IL1RN: variants seen among roughly 807,000 people sequenced by gnomAD.
The protein encoded by IL1RN is interleukin-1 receptor antagonist protein.
IL1RN carries 10 observed loss-of-function variants against 13.7 expected under a neutral mutation model. The ratio of observed to expected loss-of-function variants is 0.73; its 90% CI spans 0.45 to 1.24. IL1RN has a LOEUF of 1.24. Ranked by LOEUF, IL1RN falls within the 50% of genes most tolerant of loss-of-function variation. The probability of loss-of-function intolerance (pLI) is 0.00; values close to 1 mark genes in which losing one functional copy is unlikely to be tolerated. For missense variants in IL1RN, 213 were observed against 222.1 expected (o/e 0.96, Z 0.26); for synonymous variants, 102 against 82.7 (o/e 1.23, Z -1.27).
upstream of IL1RN, among the ~76,000 whole-genome samples, chr2:113,109,273 G>A (rs1274114297): frequency 6.6e-6 from 1 of 152,086 alleles, no homozygotes; most frequent in South Asian, 2.1e-4. Context: ...TTAGCTGGGT[G>A]TGGGGGTGCA....
At position 113,127,701 on chromosome 2, in the gene IL1RN, G is replaced by C. The variant is rs758363942; in HGVS notation, c.77G>C (p.Arg26Pro). 5.6e-6 allele frequency: 9 copies of C among 1,613,930 alleles called. No individual in the cohort carries two copies. The African/African-American group carries it at 1.1e-4, about 19-fold the overall frequency. Residue 26 changes from arginine to proline, a missense_variant, in exon 1 of 4, where the codon CGA becomes CCA. Arg to Pro is a moderately radical substitution (Grantham distance 103). Coordinates refer to ENST00000409930, the MANE Select transcript of IL1RN (RefSeq NM_173842.3). The part of the protein sequence containing the change: ...LFLFHSETIC[R>P]PSGRKSSKMQ... ...CTGTTCCATTCAGAGACGATCTGCCGACCCTCTGGGAGAAAATCCAGCAAG... is the reference window on the plus strand; with the variant it reads ...CTGTTCCATTCAGAGACGATCTGCCCACCCTCTGGGAGAAAATCCAGCAAG...
chr2:113,117,774 T>C (rs1686628904), upstream of IL1RN: 1 of 597,516 alleles, frequency 1.7e-6, no homozygotes, highest in East Asian at 2.8e-5. Context: ...AAACTGGGCC[T>C]GCTTGGCATC....
At chr2:113,129,175 A>T (rs930351444) in intron 1 of IL1RN, among the ~76,000 whole-genome samples, 1 of 152,222 alleles carries the variant, frequency 6.6e-6, no homozygotes, top group Non-Finnish European at 1.5e-5. Flanking sequence ...CACTATCCAC[A>T]TTTAAAGAGG....
At chr2:113,106,194 T>C (rs2029582), upstream of IL1RN, among the ~76,000 whole-genome samples, 84,114 of 152,040 alleles carry the variant, frequency 0.55, 24,599 homozygotes, top group African/African-American at 0.76. Flanking sequence ...TTCCAATTTG[T>C]ATGACTCCAA....
At chr2:113,106,543 CAAAGAGCT>C (rs1686390686), upstream of IL1RN, among the ~76,000 whole-genome samples, 1 of 152,168 alleles carries the variant, frequency 6.6e-6, no homozygotes, top group Admixed American at 6.5e-5. Context: ...CCTGTCCTAG[CAAAGAGCT>C]AATTGTTAAA....
intron 3 of IL1RN, among the ~76,000 whole-genome samples, chr2:113,131,523 C>T (rs3087266): frequency 0.25 from 37,765 of 151,890 alleles, 6,280 homozygotes; most frequent in East Asian, 0.58. Context: ...AAGCCAGTCA[C>T]GTGGCTAAGT....
upstream of IL1RN, among the ~76,000 whole-genome samples, chr2:113,105,558 T>A (rs1183578360): frequency 6.6e-6 from 1 of 152,244 alleles, no homozygotes; most frequent in African/African-American, 2.4e-5. Flanking sequence ...AACTTTTTTA[T>A]AATTGGGAGA....
upstream of IL1RN, among the ~76,000 whole-genome samples, chr2:113,123,100 G>A (rs2104443630): frequency 6.6e-6 from 1 of 152,226 alleles, no homozygotes; most frequent in Non-Finnish European, 1.5e-5. Flanking sequence ...ACTCCAGCCT[G>A]GGCAACAAGA....
upstream of IL1RN, among the ~76,000 whole-genome samples, chr2:113,125,571 T>C (rs1413431335): frequency 6.6e-6 from 1 of 152,246 alleles, no homozygotes. Context: ...CTTTGGGAAA[T>C]TCATTCATAG....
At chr2:113,128,303 G>A (rs1225630078) in intron 1 of IL1RN, among the ~76,000 whole-genome samples, 1 of 142,978 alleles carries the variant, frequency 7.0e-6, no homozygotes, top group African/African-American at 2.4e-5. Flanking sequence ...ATTTGAAAAT[G>A]GAATCGGCTT....
chr2:113,109,009 A>T (rs1041299048), upstream of IL1RN, among the ~76,000 whole-genome samples: 3 of 152,192 alleles, frequency 2.0e-5, no homozygotes, highest in African/African-American at 7.2e-5. Flanking sequence ...AACAGAGTAT[A>T]TAACTTCTAA....
rs755306551 is a variant in IL1RN, at chr2:113,120,935, G to A, written c.73+807G>A. On this transcript the variant is annotated intron_variant, in intron 2 of 5. Coordinates refer to the IL1RN transcript ENST00000259206. ...CCTGGCCAGGATCTGGAGCAAGTGA[G>A]TTAATCTTTCTAAGCCTTGAGTAGT... Among the ~76,000 whole-genome samples, 47 of 152,158 alleles carry A rather than the reference G, an allele frequency of 3.1e-4. 1 individual carries two copies. Among genetic ancestry groups the A allele is most frequent in the South Asian group, 1.0e-3 (5 of 4,830 alleles).
At chr2:113,112,408 G>T (rs554810134) in intron 1 of IL1RN, among the ~76,000 whole-genome samples, 24 of 152,100 alleles carry the variant, frequency 1.6e-4, no homozygotes, top group Admixed American at 1.5e-3. Context: ...AGTCCTTCCC[G>T]CCAGAATGCC....
At chr2:113,120,454 A>G (rs1195672885) in intron 2 of IL1RN, among the ~76,000 whole-genome samples, 1 of 152,156 alleles carries the variant, frequency 6.6e-6, no homozygotes, top group East Asian at 1.9e-4. Flanking sequence ...AATTATAATC[A>G]TTAACTGTGC....
the IL1RN span, among the ~76,000 whole-genome samples, chr2:113,099,647 G>C: frequency 6.6e-6 from 1 of 150,722 alleles, no homozygotes; most frequent in Non-Finnish European, 1.5e-5. Context: ...TCCATACACT[G>C]CTCTGTTCAT....
upstream of IL1RN, among the ~76,000 whole-genome samples, chr2:113,107,910 A>G (rs796204757): frequency 4.6e-5 from 7 of 152,326 alleles, no homozygotes; most frequent in African/African-American, 1.4e-4. Context: ...TACAACTGAT[A>G]AGAATATCTA....
At chr2:113,100,215 A>G in the IL1RN span, among the ~76,000 whole-genome samples, 1 of 151,060 alleles carries the variant, frequency 6.6e-6, no homozygotes, top group South Asian at 2.1e-4. Flanking sequence ...AGTGCCAGCT[A>G]CTTGGGAGGC....
upstream of IL1RN, among the ~76,000 whole-genome samples, chr2:113,109,635 G>C (rs1184663962): frequency 6.6e-6 from 1 of 151,954 alleles, no homozygotes. Context: ...AAGAGAGCTG[G>C]GTTCACCCTT....
rs138621002 is a variant in IL1RN, at chr2:113,127,755, A to G, written c.116+15A>G. The G allele has an allele frequency of 1.7e-5, 27 of 1,612,496 alleles. No homozygotes were observed. Among genetic ancestry groups the G allele is most frequent in the Middle Eastern group, 3.4e-4 (2 of 5,938 alleles). ...CAAGCCTTCAGGTAAGGCTACCCCA[A>G]GGAGGAGAAGGTGAGGGTGGATCAG... is the stretch of plus-strand genomic sequence containing the variant. On this transcript the variant is annotated intron_variant, in intron 1 of 3. Coordinates refer to ENST00000409930, the MANE Select transcript of IL1RN (RefSeq NM_173842.3).
Sources: allele counts gnomAD v4.1 joint callset (sites outside exome capture counted in the v4.1 genomes callset), GRCh38; gene constraint gnomAD v4.1.1; transcripts MANE v1.5; gene names NCBI Gene and HGNC (gene_info 2026-07-23, HGNC 2026-07-21).